The following RBFOX1 variants were observed in gnomAD, a reference collection of about 807,000 sequenced individuals.
RBFOX1 encodes the protein RNA binding fox-1 homolog 1, also known as RNA binding protein fox-1 homolog 1.
In RBFOX1, 8 loss-of-function variants were observed where a neutral mutation model predicts 57.7. That is an observed-to-expected ratio of 0.14 (90% CI 0.08 to 0.25). The LOEUF (loss-of-function observed/expected upper bound fraction) is 0.25. Ranked by LOEUF, RBFOX1 falls within the 10% of genes least tolerant of loss-of-function variation. RBFOX1 has a pLI of 1.00. For missense variants in RBFOX1, 611 were observed against 548.5 expected, an observed-to-expected ratio of 1.11 and a Z score of -1.14; for synonymous variants, 326 against 222.4, an observed-to-expected ratio of 1.47 and a Z score of -4.15.
At chr16:7,460,598 G>GA (rs1362140185) in intron 4 of RBFOX1, among the ~76,000 whole-genome samples, 2 of 150,440 alleles carry the variant, frequency 1.3e-5, no homozygotes, top group Non-Finnish European at 3.0e-5. Flanking sequence ...AAAGGATCAA[G>GA]AAAAAATAAC....
chr16:7,242,053 T>G (rs941024036), intron 4 of RBFOX1, among the ~76,000 whole-genome samples: 1 of 152,154 alleles, frequency 6.6e-6, no homozygotes, highest in Admixed American at 6.5e-5. Flanking sequence ...GCTATTACCA[T>G]AGGCACCTCA....
chr16:5,455,798 G>A (rs1180613990), intron 1 of RBFOX1, among the ~76,000 whole-genome samples: 1 of 152,158 alleles, frequency 6.6e-6, no homozygotes, highest in Admixed American at 6.5e-5. Flanking sequence ...AGGGTGAAGG[G>A]TGCTTGGCTA....
intron 4 of RBFOX1, among the ~76,000 whole-genome samples, chr16:5,953,278 T>C (rs1474514814): frequency 6.6e-6 from 1 of 152,234 alleles, no homozygotes; most frequent in Non-Finnish European, 1.5e-5. Context: ...TGGAAATGTG[T>C]AACAATTTTT....
chr16:5,571,402 A>T (rs1423177972), intron 2 of RBFOX1, among the ~76,000 whole-genome samples: 1 of 151,444 alleles, frequency 6.6e-6, no homozygotes, highest in Non-Finnish European at 1.5e-5. Flanking sequence ...TTTAGTAGAG[A>T]TGGGGTTTCA....
At chr16:5,681,978 A>G (rs2050353410) in intron 3 of RBFOX1, among the ~76,000 whole-genome samples, 2 of 152,086 alleles carry the variant, frequency 1.3e-5, no homozygotes, top group Admixed American at 1.3e-4. Context: ...ACAGTAACAC[A>G]TCTCCCCCTT....
chr16:7,009,785 C>T (rs891718259), intron 3 of RBFOX1, among the ~76,000 whole-genome samples: 1 of 152,166 alleles, frequency 6.6e-6, no homozygotes, highest in Non-Finnish European at 1.5e-5. Flanking sequence ...GCTCTGTAAC[C>T]TGCTTGCCTT....
At chr16:7,131,341 CT>C (rs34213849) in intron 4 of RBFOX1, among the ~76,000 whole-genome samples, 8,395 of 71,728 alleles carry the variant, frequency 0.12, 299 homozygotes, top group Non-Finnish European at 0.14. Flanking sequence ...GCGAGACTGT[CT>C]TTTTTTTTTT....
intron 4 of RBFOX1, among the ~76,000 whole-genome samples, chr16:7,317,486 G>A (rs987066932): frequency 1.3e-5 from 2 of 152,002 alleles, no homozygotes; most frequent in African/African-American, 2.4e-5. Context: ...TATCACCATC[G>A]CCATTAGGAC....
intron 1 of RBFOX1, among the ~76,000 whole-genome samples, chr16:5,334,393 T>A (rs193143183): frequency 6.6e-6 from 1 of 152,294 alleles, no homozygotes; most frequent in East Asian, 1.9e-4. Flanking sequence ...TGGCAGTGCT[T>A]GTTCAAGATG....
intron 4 of RBFOX1, among the ~76,000 whole-genome samples, chr16:7,437,576 C>T (rs569689787): frequency 8.5e-5 from 13 of 152,100 alleles, no homozygotes; most frequent in Non-Finnish European, 1.9e-4. Flanking sequence ...CATGTATTTG[C>T]AATGAAACTG....
chr16:6,839,714 G>C (rs550433388), intron 3 of RBFOX1, among the ~76,000 whole-genome samples: 1 of 152,148 alleles, frequency 6.6e-6, no homozygotes, highest in Non-Finnish European at 1.5e-5. Context: ...GAAGGCACAC[G>C]ATTCTTCTTG....
rs1315130232 is a variant in RBFOX1, at chr16:7,225,919, T to TATAA, written c.27+173822_27+173823insTAAA. Among the ~76,000 whole-genome samples, 16 of 142,160 alleles carry TATAA rather than the reference T, an allele frequency of 1.1e-4. No individual in the cohort carries two copies. In the South Asian group the frequency reaches 1.3e-3, roughly 12 times the overall value. The allele number at this position is 142,160 out of a possible 152,430, so 93.3% of individuals were successfully genotyped here. ...AAAGTATAATAAATATATATATATA[T>TATAA]AAATGTGAATGTCATGTTTCTGAGA... is the stretch of plus-strand genomic sequence containing the variant. On this transcript the variant is annotated intron_variant, in intron 4 of 15. Coordinates refer to ENST00000550418, the MANE Select transcript of RBFOX1 (RefSeq NM_018723.4).
At chr16:7,139,056 G>T (rs1250386344) in intron 4 of RBFOX1, among the ~76,000 whole-genome samples, 1 of 152,068 alleles carries the variant, frequency 6.6e-6, no homozygotes, top group African/African-American at 2.4e-5. Context: ...TGCCTTCCTT[G>T]CCCTCCCAAA....
At chr16:6,487,372 A>G (rs1311832399) in intron 2 of RBFOX1, among the ~76,000 whole-genome samples, 2 of 151,994 alleles carry the variant, frequency 1.3e-5, no homozygotes, top group African/African-American at 2.4e-5. Flanking sequence ...TGCATAACCT[A>G]TAGGGTATTG....
intron 2 of RBFOX1, among the ~76,000 whole-genome samples, chr16:6,616,218 TAAATG>T (rs1023348910): frequency 1.3e-5 from 2 of 152,210 alleles, no homozygotes; most frequent in Admixed American, 1.3e-4. Context: ...CAGTGAATAA[TAAATG>T]AATGTCTGTG....
chr16:6,190,681 G>C (rs2097135982), intron 1 of RBFOX1, among the ~76,000 whole-genome samples: 1 of 152,110 alleles, frequency 6.6e-6, no homozygotes, highest in African/African-American at 2.4e-5. Context: ...CCCTCTCAGA[G>C]ATGCCACTTG....
At chr16:5,347,912 C>A (rs1378222977) in intron 1 of RBFOX1, among the ~76,000 whole-genome samples, 1 of 144,140 alleles carries the variant, frequency 6.9e-6, no homozygotes, top group Non-Finnish European at 1.5e-5. Flanking sequence ...CCACCCCCTC[C>A]CCCCCATCAA....
intron 4 of RBFOX1, among the ~76,000 whole-genome samples, chr16:7,513,138 C>G (rs1165674650): frequency 6.6e-6 from 1 of 152,074 alleles, no homozygotes; most frequent in Non-Finnish European, 1.5e-5. Flanking sequence ...TGGCGGGTGC[C>G]TGTAATCCTA....
intron 2 of RBFOX1, among the ~76,000 whole-genome samples, chr16:6,555,571 G>T (rs1394389059): frequency 6.6e-6 from 1 of 151,980 alleles, no homozygotes. Flanking sequence ...GTGGTGGCGG[G>T]CGCCTGTAGT....
Sources: gnomAD v4.1 joint callset for allele counts (sites outside exome capture counted in the v4.1 genomes callset) on GRCh38, gnomAD v4.1.1 for gene constraint, MANE v1.5 for transcripts, NCBI Gene and HGNC (gene_info 2026-07-23, HGNC 2026-07-21) for gene names.